The following MYBL2 variants were observed in gnomAD, a reference collection of about 807,000 sequenced individuals.
The protein encoded by MYBL2 is myb-related protein B.
Under a neutral mutation model 79.9 loss-of-function variants are expected in MYBL2, and 28 were observed. That is an observed-to-expected ratio of 0.35 (90% CI 0.26 to 0.48). The LOEUF (loss-of-function observed/expected upper bound fraction) is 0.48. Among genes scored for constraint, MYBL2 ranks in the 20% least tolerant of loss-of-function variants. The pLI is 0.99. For missense variants in MYBL2, 735 were observed against 893.9 expected (o/e 0.82, Z 2.27); for synonymous variants, 378 against 361.2 (o/e 1.05, Z -0.53).
chr20:43,711,434 C>T, intron 10 of MYBL2, 54 bp from the exon 11 acceptor site: 1 of 1,455,340 alleles, frequency 6.9e-7, no homozygotes, highest in South Asian at 1.2e-5. Context: ...CAGTCCCACA[C>T]ACACACAGCC....
chr20:43,709,837 G>A, intron 9 of MYBL2, 126 bp from the exon 10 acceptor site: 1 of 724,096 alleles, frequency 1.4e-6, no homozygotes. Context: ...AGGGTGGGGA[G>A]AGGGATGGGA....
chr20:43,712,201 T>C (rs1987923750), intron 11 of MYBL2, among the ~76,000 whole-genome samples: 1 of 152,122 alleles, frequency 6.6e-6, no homozygotes, highest in Non-Finnish European at 1.5e-5. Context: ...TCCCACTGCG[T>C]CGTTAGCTTT....
chr20:43,710,854 T>A (rs1384895238), intron 10 of MYBL2, among the ~76,000 whole-genome samples: 1 of 152,210 alleles, frequency 6.6e-6, no homozygotes, highest in Non-Finnish European at 1.5e-5. Context: ...AGTGGAGATT[T>A]GGCTCCTCTG....
At chr20:43,701,936 T>C (rs285168) in intron 7 of MYBL2, among the ~76,000 whole-genome samples, 138,272 of 152,156 alleles carry the variant, frequency 0.91, 62,930 homozygotes, top group South Asian at 0.93. Flanking sequence ...GAGGCCAAGG[T>C]GGTCAGATCA....
Position 43,699,790 on chromosome 20 carries a change from C to T in MYBL2, c.697C>T (p.Pro233Ser). The change falls in exon 7 of 14, where the codon CCT becomes TCT. Residue 233 changes from proline (P) to serine (S), a missense_variant. By Grantham distance (74) the Pro-to-Ser change is moderately conservative. Around this residue, in one of 5 missense-constraint regions of MYBL2, gnomAD observed 144 missense variants for 131.9 expected, o/e 1.09. Coordinates refer to ENST00000217026, the MANE Select transcript of MYBL2 (RefSeq NM_002466.4). ...TCTGACCAACTGGCCCTCCGTCCCT[C>T]CTACCATAAAGGAGGAGGAAAACAG... ...SLLTNWPSVP[P>S]TIKEEENSEE... 1 of 1,614,162 alleles carries T rather than the reference C, an allele frequency of 6.2e-7. No individual in the cohort carries two copies. Among genetic ancestry groups the T allele is most frequent in the Non-Finnish European group, 8.5e-7 (1 of 1,180,018 alleles).
intron 3 of MYBL2, among the ~76,000 whole-genome samples, chr20:43,682,184 C>T (rs111802122): frequency 2.6e-5 from 4 of 152,040 alleles, no homozygotes; most frequent in African/African-American, 7.3e-5. Flanking sequence ...GAGACTGAAA[C>T]TGAGGGGAAG....
At chr20:43,684,574 C>G (rs1378520358) in intron 4 of MYBL2, among the ~76,000 whole-genome samples, 1 of 149,626 alleles carries the variant, frequency 6.7e-6, no homozygotes, top group Non-Finnish European at 1.5e-5. Flanking sequence ...CAGGGTCTTC[C>G]TATGTTTTCC....
At chr20:43,687,860 A>G (rs955011835) in intron 5 of MYBL2, among the ~76,000 whole-genome samples, 12 of 151,970 alleles carry the variant, frequency 7.9e-5, no homozygotes, top group African/African-American at 2.9e-4. Flanking sequence ...TACTAAAAAT[A>G]CAAAAAATTA....
chr20:43,714,965 C>T (rs1334352350), intron 12 of MYBL2, among the ~76,000 whole-genome samples, 169 bp from the exon 13 acceptor site: 1 of 152,204 alleles, frequency 6.6e-6, no homozygotes, highest in Non-Finnish European at 1.5e-5. Context: ...TAAGCTTAAG[C>T]TCATGTAAAC....
chr20:43,675,416 C>G (rs1474157272), intron 2 of MYBL2, among the ~76,000 whole-genome samples: 1 of 151,724 alleles, frequency 6.6e-6, no homozygotes, highest in Non-Finnish European at 1.5e-5. Context: ...TGGGTTCAAG[C>G]GATTCTCCTG....
intron 2 of MYBL2, among the ~76,000 whole-genome samples, chr20:43,676,599 G>A (rs1987015104): frequency 1.3e-5 from 2 of 152,130 alleles, no homozygotes; most frequent in Admixed American, 6.6e-5. Flanking sequence ...GCAGTTTTTG[G>A]CTATCGTGTA....
Position 43,702,481 on chromosome 20 carries a change from C to T in MYBL2, c.952-9C>T, listed in dbSNP as rs746041036. The T allele has an allele frequency of 1.9e-6, 3 of 1,586,680 alleles. No homozygotes were observed. Among genetic ancestry groups the T allele is most frequent in the Non-Finnish European group, 2.6e-6 (3 of 1,160,296 alleles). On this transcript the variant is annotated splice_polypyrimidine_tract_variant and intron_variant, in intron 7 of 13. Coordinates refer to ENST00000217026, the MANE Select transcript of MYBL2 (RefSeq NM_002466.4). ...GTAATTGCAATTCCTAACCTCCCTCCCTGGACAGGACCCTGATGCTTGGTG... is the reference window on the plus strand; with the variant it reads ...GTAATTGCAATTCCTAACCTCCCTCTCTGGACAGGACCCTGATGCTTGGTG...
At chr20:43,671,763 C>T (rs940933854) in intron 1 of MYBL2, among the ~76,000 whole-genome samples, 1 of 152,050 alleles carries the variant, frequency 6.6e-6, no homozygotes, top group Non-Finnish European at 1.5e-5. Flanking sequence ...AGCCACCACA[C>T]CTGGCCCGAT....
At position 43,715,138 on chromosome 20, in the gene MYBL2, C is replaced by T. The variant is rs1987999814; in HGVS notation, c.1829C>T (p.Thr610Ile). 6.2e-7 allele frequency: 1 copy of T among 1,614,196 alleles called. No individual in the cohort carries two copies. Among genetic ancestry groups the T allele is most frequent in the Admixed American group, 1.7e-5 (1 of 60,004 alleles). Residue 610 changes from threonine (T) to isoleucine (I), a missense_variant, in exon 13 of 14, where the codon ACA becomes ATA. Thr to Ile is a moderately conservative substitution (Grantham distance 89). This residue lies in a region of MYBL2 where 204 missense variants were observed against 202.9 expected (regional missense o/e 1.01). Coordinates refer to ENST00000217026, the MANE Select transcript of MYBL2 (RefSeq NM_002466.4). ...TTGACTTGGTTTTGGTTTCAGCCGA[C>T]AACTGCCCCTTCAAACTCTTCCAGC... ...STLPKSLSLP[T>I]TAPSNSSSLT...
chr20:43,706,718 A>T (rs4812730), intron 9 of MYBL2, among the ~76,000 whole-genome samples: 60 of 3,312 alleles, frequency 0.018, 4 homozygotes, highest in African/African-American at 0.023. Flanking sequence ...AAAAAAAAAA[A>T]GTTTTTTTTT....
Position 43,697,832 on chromosome 20 carries a change from G to A in MYBL2, c.664-1925G>A, listed in dbSNP as rs544684323. Reference sequence around the variant, plus strand: ...AGGGAGGCTGAGGCAGGAGAATGGCGTGAACCTGGGAGGTGGAGCTTGCAG... The same window carrying A: ...AGGGAGGCTGAGGCAGGAGAATGGCATGAACCTGGGAGGTGGAGCTTGCAG... On this transcript the variant is annotated intron_variant, in intron 6 of 13. Coordinates refer to ENST00000217026, the MANE Select transcript of MYBL2 (RefSeq NM_002466.4). Among the ~76,000 whole-genome samples the A allele has an allele frequency of 3.4e-5, 5 of 148,054 alleles. No homozygotes were observed. In the South Asian group the frequency reaches 8.6e-4, roughly 25 times the overall value.
chr20:43,686,800 G>A (rs1987284996), intron 4 of MYBL2, 52 bp from the exon 5 acceptor site: 1 of 1,560,768 alleles, frequency 6.4e-7, no homozygotes, highest in East Asian at 2.2e-5. Context: ...GGGCTATGGT[G>A]GGGGCGAGAG....
chr20:43,702,717 C>A lies in MYBL2; in HGVS notation c.1179C>A (p.Ser393=). ...GCCGGGGCGAGCTGATCCCCATCTC[C>A]CCCAGCACTGAAGTCGGGGGCTCTG... ...RSSRGELIPI[S]PSTEVGGSGI... is the part of the protein sequence containing the mutation. Residue 393 remains serine (S), a synonymous_variant, in exon 8 of 14, where the codon TCC becomes TCA. Coordinates refer to ENST00000217026, the MANE Select transcript of MYBL2 (RefSeq NM_002466.4). 1.2e-6 allele frequency: 2 copies of A among 1,613,956 alleles called. No homozygotes were observed. Among genetic ancestry groups the A allele is most frequent in the African/African-American group, 2.7e-5 (2 of 75,076 alleles).
chr20:43,677,619 C>T (rs1036074654), intron 2 of MYBL2, among the ~76,000 whole-genome samples: 4 of 151,864 alleles, frequency 2.6e-5, no homozygotes, highest in South Asian at 2.1e-4. Flanking sequence ...GCCGCCCGGC[C>T]ACCCCTACTG....
Sources: allele counts gnomAD v4.1 joint callset (sites outside exome capture counted in the v4.1 genomes callset), GRCh38; gene constraint gnomAD v4.1.1; regional missense constraint gnomAD v4.1.1; transcripts MANE v1.5; gene names NCBI Gene and HGNC (gene_info 2026-07-23, HGNC 2026-07-21).